Variants in ERC1 observed in about 807,000 individuals in gnomAD.
The protein encoded by ERC1 is RAB6 interacting protein 2.
A neutral mutation model predicts 132.0 loss-of-function variants in ERC1; 56 were observed. The observed-to-expected ratio is 0.42, with a 90% CI of 0.34 to 0.53. ERC1 has a LOEUF of 0.53. ERC1 is among the 20% of genes least tolerant of loss of function. ERC1 has a pLI of 0.03. For synonymous variants in ERC1, 478 were observed against 476.1 expected, an observed-to-expected ratio of 1.00 and a Z score of -0.05; for missense variants, 1,202 against 1,349.9, an observed-to-expected ratio of 0.89 and a Z score of 1.72.
At chr12:1,333,330 A>ATTTT (rs36055111) in intron 15 of ERC1, among the ~76,000 whole-genome samples, 3 of 110,726 alleles carry the variant, frequency 2.7e-5, no homozygotes, top group African/African-American at 7.2e-5. Context: ...TATGTACCGC[A>ATTTT]TTTTTTTTTT....
intron 7 of ERC1, among the ~76,000 whole-genome samples, chr12:1,140,445 G>A (rs1319056876): frequency 2.0e-5 from 3 of 152,088 alleles, no homozygotes; most frequent in Non-Finnish European, 2.9e-5. Flanking sequence ...TTCCTAATCC[G>A]AAAATCCAAA....
chr12:1,413,586 A>G (rs1161476529), intron 17 of ERC1, among the ~76,000 whole-genome samples: 1 of 151,950 alleles, frequency 6.6e-6, no homozygotes, highest in Non-Finnish European at 1.5e-5. Flanking sequence ...AGAGCAAGAC[A>G]GTCTCCAAAA....
chr12:1,015,643 A>G, intron 1 of ERC1, among the ~76,000 whole-genome samples: 1 of 152,092 alleles, frequency 6.6e-6, no homozygotes, highest in East Asian at 1.9e-4. Flanking sequence ...GCCAAATTGT[A>G]CCTCAGTGGG....
At chr12:1,370,382 C>CA (rs1389963459) in intron 15 of ERC1, among the ~76,000 whole-genome samples, 7 of 152,290 alleles carry the variant, frequency 4.6e-5, no homozygotes, top group African/African-American at 1.7e-4. Context: ...GCCACAACTG[C>CA]AAACTTATTT....
chr12:1,166,016 C>T (rs1467045189), intron 8 of ERC1, among the ~76,000 whole-genome samples: 1 of 152,128 alleles, frequency 6.6e-6, no homozygotes, highest in Non-Finnish European at 1.5e-5. Context: ...CTGGATGAGA[C>T]CTTCGACTGT....
intron 17 of ERC1, among the ~76,000 whole-genome samples, chr12:1,414,939 G>A (rs1026205169): frequency 6.6e-6 from 1 of 152,122 alleles, no homozygotes; most frequent in Admixed American, 6.5e-5. Context: ...GAAACCAGGA[G>A]CATAGAAATT....
chr12:1,052,265 C>G (rs908908321), intron 2 of ERC1, among the ~76,000 whole-genome samples: 2 of 152,160 alleles, frequency 1.3e-5, no homozygotes, highest in Admixed American at 6.5e-5. Flanking sequence ...AAGCTGAAAA[C>G]TTTAGGACAT....
At chr12:1,252,600 A>G (rs1440364067) in intron 13 of ERC1, among the ~76,000 whole-genome samples, 2 of 152,212 alleles carry the variant, frequency 1.3e-5, no homozygotes, top group Non-Finnish European at 2.9e-5. Context: ...TTATTTAATG[A>G]AATACATCTG....
At chr12:1,290,724 A>C (rs1020675546) in intron 15 of ERC1, among the ~76,000 whole-genome samples, 2 of 151,102 alleles carry the variant, frequency 1.3e-5, no homozygotes, top group African/African-American at 2.5e-5. Context: ...CCCTACTGCT[A>C]TTTTACTGAA....
chr12:1,248,224 AT>A (rs757973053), intron 13 of ERC1, among the ~76,000 whole-genome samples: 13 of 152,174 alleles, frequency 8.5e-5, no homozygotes, highest in Non-Finnish European at 1.8e-4. Context: ...AATTTATCGA[AT>A]GCTTTCTAAG....
chr12:1,440,257 T>C (rs945042586), intron 17 of ERC1, among the ~76,000 whole-genome samples: 1 of 143,254 alleles, frequency 7.0e-6, no homozygotes, highest in Non-Finnish European at 1.5e-5. Flanking sequence ...CAGGCTGGAG[T>C]GCAGTGGTGC....
chr12:1,010,429 G>A (rs1160604671), intron 1 of ERC1, among the ~76,000 whole-genome samples: 1 of 146,666 alleles, frequency 6.8e-6, no homozygotes, highest in East Asian at 2.0e-4. Context: ...GCAGTGAGCC[G>A]AGATCATGCC....
intron 18 of ERC1, among the ~76,000 whole-genome samples, chr12:1,453,396 G>T (rs562298257): frequency 2.0e-5 from 3 of 152,202 alleles, no homozygotes; most frequent in Admixed American, 2.0e-4. Flanking sequence ...AGGAATAGAG[G>T]CCATGAAGGT....
At chr12:1,345,897 G>A (rs2084405784) in intron 15 of ERC1, among the ~76,000 whole-genome samples, 1 of 152,184 alleles carries the variant, frequency 6.6e-6, no homozygotes, top group South Asian at 2.1e-4. Flanking sequence ...ATGCTTGATA[G>A]TGTTTATTTG....
intron 15 of ERC1, among the ~76,000 whole-genome samples, chr12:1,327,299 G>A (rs908012264): frequency 1.3e-5 from 2 of 152,140 alleles, no homozygotes; most frequent in South Asian, 2.1e-4. Flanking sequence ...ATATCTTTAT[G>A]TTCTAACAAT....
At chr12:1,107,594 T>C (rs1019282735) in intron 4 of ERC1, among the ~76,000 whole-genome samples, 1 of 152,102 alleles carries the variant, frequency 6.6e-6, no homozygotes, top group Non-Finnish European at 1.5e-5. Context: ...TCATTGCAAT[T>C]AAGGGCGTCA....
At chr12:1,157,119 G>C (rs1487757679) in intron 8 of ERC1, among the ~76,000 whole-genome samples, 1 of 151,768 alleles carries the variant, frequency 6.6e-6, no homozygotes, top group Non-Finnish European at 1.5e-5. Context: ...ATTTTTTTGA[G>C]AAAGGCTCTC....
intron 7 of ERC1, among the ~76,000 whole-genome samples, chr12:1,125,460 C>A (rs567996412): frequency 6.6e-6 from 1 of 152,152 alleles, no homozygotes; most frequent in East Asian, 1.9e-4. Flanking sequence ...ATAATTTAAT[C>A]CTGCAGGGAT....
chr12:1,328,149 GT>G (rs2154356659), intron 15 of ERC1, among the ~76,000 whole-genome samples: 1 of 152,060 alleles, frequency 6.6e-6, no homozygotes, highest in East Asian at 1.9e-4. Flanking sequence ...GTGTTTGTTT[GT>G]TTGTTTTTCC....
Sources: gnomAD v4.1 joint callset for allele counts (sites outside exome capture counted in the v4.1 genomes callset) on GRCh38, gnomAD v4.1.1 for gene constraint, MANE v1.5 for transcripts, NCBI Gene and HGNC (gene_info 2026-07-23, HGNC 2026-07-21) for gene names.